TRPC4AP: variants seen among roughly 807,000 people sequenced by gnomAD.
TRPC4AP encodes short transient receptor potential channel 4-associated protein.
TRPC4AP carries 45 observed loss-of-function variants against 99.0 expected under a neutral mutation model. The observed-to-expected ratio is 0.45, with a 90% CI of 0.36 to 0.58. TRPC4AP has a LOEUF of 0.58. TRPC4AP is among the 20% of genes least tolerant of loss of function. TRPC4AP has a pLI of 0.00. For missense variants in TRPC4AP, 879 were observed against 985.3 expected, an observed-to-expected ratio of 0.89 and a Z score of 1.44; for synonymous variants, 408 against 385.8, an observed-to-expected ratio of 1.06 and a Z score of -0.67.
At chr20:35,082,314 TTACAAA>T (rs1359566316) in intron 1 of TRPC4AP, among the ~76,000 whole-genome samples, 9 of 152,134 alleles carry the variant, frequency 5.9e-5, no homozygotes, top group African/African-American at 2.2e-4. Context: ...TACATGTCCT[TTACAAA>T]TACAAATAGA....
intron 5 of TRPC4AP, 133 bp downstream of exon 5, chr20:35,054,843 C>T (rs1188737426): frequency 2.4e-5 from 18 of 743,054 alleles, no homozygotes; most frequent in Non-Finnish European, 3.9e-5. Context: ...TTCAGGCACA[C>T]ATAAAATAAG....
chr20:35,091,564 A>C (rs1486789741), intron 1 of TRPC4AP, among the ~76,000 whole-genome samples: 3 of 152,174 alleles, frequency 2.0e-5, no homozygotes, highest in Non-Finnish European at 4.4e-5. Flanking sequence ...AGTATCCTTC[A>C]AACTTTTTAT....
intron 2 of TRPC4AP, among the ~76,000 whole-genome samples, chr20:35,075,850 T>C (rs1243971927): frequency 6.6e-6 from 1 of 152,178 alleles, no homozygotes; most frequent in African/African-American, 2.4e-5. Context: ...TCCTGAAGAG[T>C]GTTTTCCAAC....
rs1176274463 is a variant in TRPC4AP, at chr20:35,003,219, T to C, written c.2321A>G (p.Gln774Arg). Residue 774 changes from glutamine to arginine, a missense_variant, in exon 19 of 19, where the codon CAG becomes CGG. Transcript: ENST00000252015. Reference protein sequence around the residue: ...TVSILLNPDRQSPSALVSYIE... With the variant: ...TVSILLNPDRRSPSALVSYIE... ...GTAGCTAACGAGAGCAGAGGGTGACTGCCGGTCCGGGTTCAACAGGATGGA... is the reference window on the plus strand; with the variant it reads ...GTAGCTAACGAGAGCAGAGGGTGACCGCCGGTCCGGGTTCAACAGGATGGA... 2 of 1,614,108 alleles carry C rather than the reference T, an allele frequency of 1.2e-6. No individual in the cohort carries two copies. The highest frequency in any genetic ancestry group is 2.7e-5 in the African/African-American group (2 of 74,958).
At position 35,021,304 on chromosome 20, in the gene TRPC4AP, G is replaced by T. The variant is rs1157252070; in HGVS notation, c.1104C>A (p.His368Gln). The T allele has an allele frequency of 6.2e-7, 1 of 1,614,196 alleles. No individual in the cohort carries two copies. The highest frequency in any genetic ancestry group is 2.2e-5 in the East Asian group (1 of 44,882). Reference sequence around the variant, plus strand: ...GGGGCAGCTGGGTTCTGGCTGACGTGTGAGGCAGGCCATTCTCCTCAGAAG... The same window carrying T: ...GGGGCAGCTGGGTTCTGGCTGACGTTTGAGGCAGGCCATTCTCCTCAGAAG... Reference protein sequence around the residue: ...PGASEENGLPHTSARTQLPQS... With the variant: ...PGASEENGLPQTSARTQLPQS... The change falls in exon 9 of 19, where the codon CAC (histidine) becomes CAA (glutamine). Residue 368 changes from histidine to glutamine, a missense_variant. His to Gln is a conservative substitution (Grantham distance 24). Transcript: ENST00000252015.
intron 8 of TRPC4AP, among the ~76,000 whole-genome samples, chr20:35,034,813 A>G (rs1008288365): frequency 3.9e-5 from 6 of 152,136 alleles, no homozygotes; most frequent in South Asian, 2.1e-4. Context: ...AAAGAAAAAG[A>G]GACGAGGAGA....
chr20:35,086,479 GTGTGTGTATA>G (rs1369015392), intron 1 of TRPC4AP, among the ~76,000 whole-genome samples: 1,198 of 94,156 alleles, frequency 0.013, 80 homozygotes, highest in African/African-American at 0.076. Context: ...GTGTGTGTAT[GTGTGTGTATA>G]TATATATGTG....
chr20:35,012,911 G>A (rs2082670286), intron 11 of TRPC4AP, 97 bp downstream of exon 11: 2 of 1,277,900 alleles, frequency 1.6e-6, no homozygotes, highest in East Asian at 2.3e-5. Context: ...CAGCTCCAGG[G>A]CCTCCTCTCG....
intron 8 of TRPC4AP, among the ~76,000 whole-genome samples, chr20:35,029,853 G>A (rs566206629): frequency 6.8e-6 from 1 of 147,452 alleles, no homozygotes; most frequent in African/African-American, 2.5e-5. Context: ...AGCCAGGGTG[G>A]TCTCGATCTC....
At position 35,092,797 on chromosome 20, in the gene TRPC4AP, A is replaced by T. The variant is rs764991823; in HGVS notation, c.-16T>A. 169 of 1,513,214 alleles carry T rather than the reference A, an allele frequency of 1.1e-4. No individual in the cohort carries two copies. The highest frequency in any genetic ancestry group is 2.0e-5 in the Non-Finnish European group (23 of 1,142,618). 93.7% of individuals were successfully genotyped at this position (1,513,214 alleles called of 1,614,324 possible). ...CCGCCGCCATGTCTCCTCGTCGGACAAACAGGAAGCAAGCGGCCTCGGGGC... is the reference window on the plus strand; with the variant it reads ...CCGCCGCCATGTCTCCTCGTCGGACTAACAGGAAGCAAGCGGCCTCGGGGC... On this transcript the variant is annotated 5_prime_UTR_variant, in exon 1 of 19. Transcript: ENST00000252015.
At chr20:35,023,435 C>T (rs1369622547) in intron 8 of TRPC4AP, among the ~76,000 whole-genome samples, 1 of 152,140 alleles carries the variant, frequency 6.6e-6, no homozygotes. Context: ...TCTGCGAATG[C>T]TTGCTTGTTA....
intron 9 of TRPC4AP, among the ~76,000 whole-genome samples, chr20:35,020,038 T>G (rs950056646): frequency 6.6e-6 from 1 of 152,178 alleles, no homozygotes; most frequent in African/African-American, 2.4e-5. Flanking sequence ...TCCTACTTCC[T>G]TGGGCGAAAA....
chr20:35,036,337 C>A (rs182209859), intron 7 of TRPC4AP, among the ~76,000 whole-genome samples: 35 of 152,240 alleles, frequency 2.3e-4, no homozygotes, highest in African/African-American at 8.4e-4. Flanking sequence ...CCAAAATGTC[C>A]GTCAAGTGGA....
chr20:35,033,481 G>A (rs758682451), intron 8 of TRPC4AP, among the ~76,000 whole-genome samples: 2 of 152,130 alleles, frequency 1.3e-5, no homozygotes, highest in African/African-American at 2.4e-5. Flanking sequence ...ATCACATCCA[G>A]CTGTTAGGCT....
intron 2 of TRPC4AP, among the ~76,000 whole-genome samples, chr20:35,076,625 G>A (rs76795850): frequency 0.044 from 6,715 of 152,222 alleles, 483 homozygotes; most frequent in African/African-American, 0.15. Flanking sequence ...TTCTCTGGAA[G>A]CTTCATCTCA....
intron 1 of TRPC4AP, among the ~76,000 whole-genome samples, chr20:35,084,546 A>G (rs936906476): frequency 6.8e-6 from 1 of 146,170 alleles, no homozygotes; most frequent in Non-Finnish European, 1.5e-5. Flanking sequence ...ATGTATATGT[A>G]TATATGTTTA....
At position 35,035,245 on chromosome 20, in the gene TRPC4AP, G is replaced by A; in HGVS notation, c.929C>T (p.Ser310Leu). The change falls in exon 8 of 19, where the codon TCA (serine) becomes TTA (leucine). Residue 310 changes from serine (S) to leucine (L), a missense_variant. Transcript: ENST00000252015. The part of the protein sequence containing the change: ...RLCKLATRKV[S>L]ESTGTASFLQ... ...GAAGCTGGCTGTGCCCGTTGACTCT[G>A]ACACCTTTCGAGTCGCCAGTTTGCA... The A allele has an allele frequency of 1.5e-5, 24 of 1,614,100 alleles. No homozygotes were observed. The highest frequency in any genetic ancestry group is 2.0e-5 in the Non-Finnish European group (24 of 1,180,022).
intron 7 of TRPC4AP, among the ~76,000 whole-genome samples, chr20:35,035,820 C>G (rs1192941192): frequency 1.6e-5 from 1 of 60,890 alleles, no homozygotes; most frequent in African/African-American, 7.6e-5. Flanking sequence ...CAGCTGTTTA[C>G]TTGTTAGAGA....
chr20:35,044,432 GA>G (rs1365531966), intron 7 of TRPC4AP, 72 bp downstream of exon 7: 39 of 1,205,054 alleles, frequency 3.2e-5, no homozygotes, highest in East Asian at 5.1e-5. Context: ...AAAAGAAAAA[GA>G]AAAAAAACTA....
Sources: allele counts gnomAD v4.1 joint callset (sites outside exome capture counted in the v4.1 genomes callset), GRCh38; gene constraint gnomAD v4.1.1; transcripts MANE v1.5; gene names NCBI Gene and HGNC (gene_info 2026-07-23, HGNC 2026-07-21).